DPH6: variants seen among roughly 807,000 people sequenced by gnomAD.
DPH6 encodes the protein diphthine--ammonia ligase.
In DPH6, 33 loss-of-function variants were observed where a neutral mutation model predicts 38.2. The ratio of observed to expected loss-of-function variants is 0.86; its 90% CI spans 0.65 to 1.15. The LOEUF is 1.15. DPH6 is among the 50% of genes most tolerant of loss of function. The probability of loss-of-function intolerance (pLI) is 0.00; values close to 1 mark genes in which losing one functional copy is unlikely to be tolerated. For synonymous variants in DPH6, 108 were observed against 103.0 expected, an observed-to-expected ratio of 1.05 and a Z score of -0.30; for missense variants, 325 against 320.0, an observed-to-expected ratio of 1.02 and a Z score of -0.12.
intron 3 of DPH6, among the ~76,000 whole-genome samples, chr15:35,488,375 G>C (rs774239856): frequency 6.6e-6 from 1 of 152,140 alleles, no homozygotes; most frequent in Non-Finnish European, 1.5e-5. Flanking sequence ...CATAAGACAT[G>C]GTAATTTATG....
intron 3 of DPH6, among the ~76,000 whole-genome samples, chr15:35,260,077 TA>T (rs1487732308): frequency 2.0e-5 from 3 of 152,190 alleles, no homozygotes; most frequent in Non-Finnish European, 4.4e-5. Context: ...CATGCATCTT[TA>T]AGAACAAATA....
At chr15:35,208,135 A>G in the DPH6 span, among the ~76,000 whole-genome samples, 1 of 152,244 alleles carries the variant, frequency 6.6e-6, no homozygotes, top group Non-Finnish European at 1.5e-5. Flanking sequence ...ACTTAAGTTT[A>G]GCTTAAATAA....
At chr15:35,184,537 G>A in the DPH6 span, among the ~76,000 whole-genome samples, 11 of 151,740 alleles carry the variant, frequency 7.2e-5, no homozygotes, top group African/African-American at 2.2e-4. Context: ...CAGTGAAGAC[G>A]TTGACCTAAA....
In DPH6 at chr15:35,290,899, G is replaced by A. The variant is rs113581008; in HGVS notation, n.201-70317C>T. 4.4e-4 allele frequency among the ~76,000 whole-genome samples: 67 copies of A among 151,446 alleles called. 1 individual carries two copies. Among genetic ancestry groups the A allele is most frequent in the Middle Eastern group, 3.4e-3 (1 of 294 alleles). On this transcript the variant is annotated intron_variant and non_coding_transcript_variant, in intron 3 of 3. Transcript: ENST00000560386. The stretch of plus-strand genomic sequence containing the variant: ...AATTAATTAAACCTATCACATTCTC[G>A]TGTAGTTATTAACAATTTCCAACAC...
the DPH6 span, among the ~76,000 whole-genome samples, chr15:35,177,134 T>C: frequency 6.6e-6 from 1 of 152,082 alleles, no homozygotes; most frequent in African/African-American, 2.4e-5. Context: ...TCTCCTCATA[T>C]CCCTTGCATT....
At chr15:35,479,917 C>T (rs1458889273) in intron 3 of DPH6, among the ~76,000 whole-genome samples, 1 of 151,920 alleles carries the variant, frequency 6.6e-6, no homozygotes, top group Non-Finnish European at 1.5e-5. Flanking sequence ...GACCCATTCT[C>T]TAGGTTAACT....
chr15:35,435,061 A>T (rs1018650714), intron 5 of DPH6, among the ~76,000 whole-genome samples: 1 of 151,936 alleles, frequency 6.6e-6, no homozygotes, highest in Non-Finnish European at 1.5e-5. Flanking sequence ...GGTGTGAGCC[A>T]CTATGCCTGG....
chr15:35,242,919 C>T lies in DPH6; in HGVS notation n.201-22337G>A, dbSNP rs1220254457. 9.9e-5 allele frequency among the ~76,000 whole-genome samples: 14 copies of T among 142,060 alleles called. 2 individuals carry two copies. The highest frequency in any genetic ancestry group is 3.6e-4 in the African/African-American group (14 of 39,158). The allele number at this position is 142,060 out of a possible 152,430, so 93.2% of individuals were successfully genotyped here. A position where few individuals can be genotyped will look rare whatever the true frequency, so the allele number is the denominator to read the frequency against. ...CATGCCCTGCTCTTGTTTACACTGC[C>T]GGTTTACACTGTTTTTCCAAGCCGT... On this transcript the variant is annotated intron_variant and non_coding_transcript_variant, in intron 3 of 3. Coordinates refer to the DPH6 transcript ENST00000560386.
intron 5 of DPH6, among the ~76,000 whole-genome samples, chr15:35,432,076 C>T (rs2053639696): frequency 6.6e-6 from 1 of 152,118 alleles, no homozygotes. Context: ...AAAGGCTCCT[C>T]AGGAGATTCT....
intron 6 of DPH6, chr15:35,401,798 G>A (rs905444915): frequency 1.6e-6 from 1 of 610,974 alleles, no homozygotes; most frequent in African/African-American, 1.8e-5. Context: ...CTTAACAGGA[G>A]AGGAGAGCCA....
chr15:35,470,527 AAG>A (rs1192234619), intron 3 of DPH6, among the ~76,000 whole-genome samples: 38 of 152,332 alleles, frequency 2.5e-4, no homozygotes, highest in African/African-American at 8.9e-4. Context: ...AAGACTTGTG[AAG>A]AGATGGTGCA....
chr15:35,455,584 C>CA (rs2053986051), intron 3 of DPH6, among the ~76,000 whole-genome samples: 2 of 152,092 alleles, frequency 1.3e-5, no homozygotes, highest in Admixed American at 1.3e-4. Flanking sequence ...TTATGGACAA[C>CA]ATGGGGATTT....
At chr15:35,350,879 T>G (rs1287630772) in intron 3 of DPH6, among the ~76,000 whole-genome samples, 1 of 152,180 alleles carries the variant, frequency 6.6e-6, no homozygotes, top group African/African-American at 2.4e-5. Context: ...TCTGTGGGCA[T>G]TTTAGAAGAA....
At chr15:35,360,521 G>A (rs540271712) in intron 3 of DPH6, among the ~76,000 whole-genome samples, 1 of 152,322 alleles carries the variant, frequency 6.6e-6, no homozygotes, top group Non-Finnish European at 1.5e-5. Flanking sequence ...CTGAGGTAGG[G>A]TGAGTTCAGC....
chr15:35,156,870 C>T, the DPH6 span, among the ~76,000 whole-genome samples: 11 of 152,168 alleles, frequency 7.2e-5, no homozygotes, highest in Non-Finnish European at 1.5e-4. Flanking sequence ...ACTTTCTGAG[C>T]ACCACAGCTT....
At chr15:35,440,301 C>A (rs940042802) in intron 5 of DPH6, among the ~76,000 whole-genome samples, 3 of 152,174 alleles carry the variant, frequency 2.0e-5, no homozygotes, top group African/African-American at 7.2e-5. Context: ...ATCTTAGCAA[C>A]CCTGACTATA....
the DPH6 span, among the ~76,000 whole-genome samples, chr15:35,164,397 T>C: frequency 6.6e-6 from 1 of 152,016 alleles, no homozygotes; most frequent in African/African-American, 2.4e-5. Flanking sequence ...CTAGTTATTA[T>C]TTATTTTTAT....
intron 6 of DPH6, among the ~76,000 whole-genome samples, chr15:35,383,762 T>G (rs183961617): frequency 6.6e-6 from 1 of 152,324 alleles, no homozygotes; most frequent in East Asian, 1.9e-4. Context: ...AGCTTCAAGC[T>G]CTAATAGACA....
intron 3 of DPH6, among the ~76,000 whole-genome samples, chr15:35,339,479 C>T (rs983839140): frequency 6.6e-6 from 1 of 151,990 alleles, no homozygotes; most frequent in Non-Finnish European, 1.5e-5. Flanking sequence ...CATGTGCCAC[C>T]ACACCTGGCT....
Sources: gnomAD v4.1 joint callset for allele counts (sites outside exome capture counted in the v4.1 genomes callset) on GRCh38, gnomAD v4.1.1 for gene constraint, MANE v1.5 for transcripts, NCBI Gene and HGNC (gene_info 2026-07-23, HGNC 2026-07-21) for gene names.